The following PDE10A variants were observed in gnomAD, a reference collection of about 807,000 sequenced individuals.
PDE10A encodes the protein phosphodiesterase 10A.
In PDE10A, 39 loss-of-function variants were observed where a neutral mutation model predicts 97.7. The observed-to-expected ratio is 0.40, with a 90% confidence interval of 0.31 to 0.52. The LOEUF is 0.52. PDE10A is among the 20% of genes least tolerant of loss of function. The pLI, the probability that PDE10A is intolerant of heterozygous loss-of-function variation, is 0.56. For synonymous variants in PDE10A, 371 were observed against 376.8 expected (o/e 0.98, Z 0.18); for missense variants, 731 against 1,047.8 (o/e 0.70, Z 4.17).
At position 165,764,684 on chromosome 6, in the gene PDE10A, C is replaced by A. The variant is rs1014219242; in HGVS notation, c.-614-221116G>T. 6.6e-5 allele frequency among the ~76,000 whole-genome samples: 10 copies of A among 152,296 alleles called. No homozygotes were observed. In the East Asian group the frequency reaches 1.9e-3, roughly 29 times the overall value. On this transcript the variant is annotated intron_variant, in intron 1 of 19. Coordinates refer to the PDE10A transcript ENST00000366882. ...TCCTCCTGGCGGGCTTATAGTCCCA[C>A]CGGCTCAGGAGTGAAGCTGCAGACC... is the stretch of plus-strand genomic sequence containing the variant.
chr6:165,836,007 C>T (rs111393168), intron 1 of PDE10A, among the ~76,000 whole-genome samples: 4 of 152,298 alleles, frequency 2.6e-5, no homozygotes, highest in East Asian at 3.9e-4. Flanking sequence ...GGCCTTCTAT[C>T]GGGGAAAACA....
chr6:165,792,577 C>T (rs972649113), intron 1 of PDE10A, among the ~76,000 whole-genome samples: 19 of 152,110 alleles, frequency 1.2e-4, no homozygotes, highest in Non-Finnish European at 1.5e-5. Context: ...TCCCCAGTCT[C>T]CGCTGCAGGG....
At chr6:165,975,383 T>G (rs987290159) in intron 1 of PDE10A, among the ~76,000 whole-genome samples, 2 of 152,156 alleles carry the variant, frequency 1.3e-5, no homozygotes, top group Admixed American at 6.5e-5. Flanking sequence ...AAGTGGGTGA[T>G]TAGTTGGGCT....
chr6:165,416,038 A>C, intron 12 of PDE10A, 151 bp downstream of exon 12: 1 of 623,332 alleles, frequency 1.6e-6, no homozygotes, highest in East Asian at 2.7e-5. Flanking sequence ...GAATATACTG[A>C]CTATTGATAG....
chr6:165,846,393 C>T (rs2128474072), intron 1 of PDE10A, among the ~76,000 whole-genome samples: 1 of 152,348 alleles, frequency 6.6e-6, no homozygotes, highest in African/African-American at 2.4e-5. Flanking sequence ...GGAAATTGTC[C>T]TTAAAAGAGA....
intron 1 of PDE10A, chr6:165,948,558 G>A (rs763384438): frequency 6.6e-6 from 1 of 152,360 alleles, no homozygotes; most frequent in Non-Finnish European, 1.5e-5. Flanking sequence ...GCGGCCTTCG[G>A]GCAGAATGCT....
At chr6:165,484,358 C>T (rs567763) in intron 2 of PDE10A, among the ~76,000 whole-genome samples, 43,968 of 152,120 alleles carry the variant, frequency 0.29, 6,775 homozygotes, top group African/African-American at 0.39. Flanking sequence ...CGGCGGCAAG[C>T]GGGCGAAGCT....
At chr6:165,334,743 T>C (rs539706107) in intron 21 of PDE10A, among the ~76,000 whole-genome samples, 10 of 152,240 alleles carry the variant, frequency 6.6e-5, no homozygotes, top group Admixed American at 4.6e-4. Context: ...AACCAGGGAT[T>C]AAGGTCAATT....
chr6:165,889,902 C>CA (rs1781734102), intron 1 of PDE10A, among the ~76,000 whole-genome samples: 1 of 73,226 alleles, frequency 1.4e-5, no homozygotes, highest in Non-Finnish European at 3.0e-5. Context: ...CTCCCTCCCT[C>CA]CCTCCTCCCT....
chr6:165,392,616 G>T, intron 16 of PDE10A, 30 bp downstream of exon 16: 1 of 1,595,876 alleles, frequency 6.3e-7, no homozygotes, highest in Non-Finnish European at 8.6e-7. Flanking sequence ...CTGAGGTTAC[G>T]AGAAACAGAG....
intron 1 of PDE10A, among the ~76,000 whole-genome samples, chr6:165,938,225 G>A (rs544013885): frequency 6.6e-6 from 1 of 152,332 alleles, no homozygotes; most frequent in South Asian, 2.1e-4. Context: ...CAACAGAGCA[G>A]CTTGTGGGCA....
chr6:165,575,351 C>T (rs1011855436), intron 1 of PDE10A, among the ~76,000 whole-genome samples: 11 of 152,250 alleles, frequency 7.2e-5, no homozygotes, highest in Middle Eastern at 3.4e-3. Flanking sequence ...ACTAAGCATC[C>T]GGACACAGCA....
chr6:165,385,989 C>A (rs1044330511), intron 17 of PDE10A, among the ~76,000 whole-genome samples: 4 of 152,150 alleles, frequency 2.6e-5, no homozygotes, highest in Admixed American at 6.5e-5. Context: ...TATTAATTCA[C>A]CAATGACTGA....
chr6:165,535,394 A>G (rs1279534329), intron 2 of PDE10A, among the ~76,000 whole-genome samples: 1 of 151,812 alleles, frequency 6.6e-6, no homozygotes, highest in African/African-American at 2.4e-5. Context: ...ACCCTTCCAC[A>G]TATGCAAGAT....
intron 2 of PDE10A, among the ~76,000 whole-genome samples, chr6:165,505,157 A>C (rs1008155305): frequency 2.0e-5 from 3 of 152,150 alleles, no homozygotes; most frequent in Non-Finnish European, 2.9e-5. Flanking sequence ...GTTTCTTTCT[A>C]CCTTCCATTG....
upstream of PDE10A, among the ~76,000 whole-genome samples, chr6:165,663,970 A>G (rs34471367): frequency 0.029 from 4,430 of 152,290 alleles, 98 homozygotes; most frequent in South Asian, 0.062. Flanking sequence ...GCAAGAGCGC[A>G]CACAGATGCA....
intron 1 of PDE10A, among the ~76,000 whole-genome samples, chr6:165,588,097 G>A (rs775561560): frequency 1.5e-4 from 23 of 151,824 alleles, no homozygotes; most frequent in Non-Finnish European, 3.1e-4. Flanking sequence ...TATAATGCTG[G>A]TAAATACCGC....
At chr6:165,841,279 C>T (rs1470854405) in intron 1 of PDE10A, among the ~76,000 whole-genome samples, 1 of 152,232 alleles carries the variant, frequency 6.6e-6, no homozygotes, top group Non-Finnish European at 1.5e-5. Flanking sequence ...GCACCTTCTC[C>T]TGCTGGGTAC....
At chr6:165,478,764 A>C (rs1036998230) in intron 3 of PDE10A, among the ~76,000 whole-genome samples, 1 of 152,062 alleles carries the variant, frequency 6.6e-6, no homozygotes, top group African/African-American at 2.4e-5. Context: ...GAGCTCTGAA[A>C]CCTGCTACTT....
Sources: allele counts gnomAD v4.1 joint callset (sites outside exome capture counted in the v4.1 genomes callset), GRCh38; gene constraint gnomAD v4.1.1; transcripts MANE v1.5; gene names NCBI Gene and HGNC (gene_info 2026-07-23, HGNC 2026-07-21).